The following MEI4 variants were observed in gnomAD, a reference collection of about 807,000 sequenced individuals.
The protein encoded by MEI4 is meiosis-specific protein MEI4.
In MEI4, 27 loss-of-function variants were observed where a neutral mutation model predicts 31.4. The observed-to-expected ratio is 0.86, with a 90% CI of 0.63 to 1.19. MEI4 has a LOEUF of 1.19. Among genes scored for constraint, MEI4 ranks in the 50% most tolerant of loss-of-function variants. The pLI is 0.00. For missense variants in MEI4, 329 were observed against 398.9 expected (o/e 0.82, Z 1.49); for synonymous variants, 122 against 145.4 (o/e 0.84, Z 1.16).
At chr6:77,890,108 G>A (rs1487551552) in intron 4 of MEI4, among the ~76,000 whole-genome samples, 1 of 152,162 alleles carries the variant, frequency 6.6e-6, no homozygotes, top group African/African-American at 2.4e-5. Flanking sequence ...GTCTCCACTG[G>A]GGCACTACCT....
intron 4 of MEI4, among the ~76,000 whole-genome samples, chr6:77,921,822 C>CAGTTA (rs1205579404): frequency 2.0e-5 from 3 of 151,704 alleles, no homozygotes; most frequent in African/African-American, 4.8e-5. Context: ...ACACACTTAT[C>CAGTTA]AGTTAAGTTC....
At chr6:77,800,685 A>G (rs538480697) in intron 3 of MEI4, among the ~76,000 whole-genome samples, 73 of 151,930 alleles carry the variant, frequency 4.8e-4, no homozygotes, top group Non-Finnish European at 7.5e-4. Flanking sequence ...TAATTTAGTC[A>G]GAATTTTTAG....
At chr6:77,663,769 G>T (rs1390987941) in intron 1 of MEI4, among the ~76,000 whole-genome samples, 6 of 151,744 alleles carry the variant, frequency 4.0e-5, no homozygotes, top group African/African-American at 1.5e-4. Flanking sequence ...CGAAGCTCGG[G>T]GTCCGTGATG....
chr6:77,715,533 C>CT (rs1179658016), intron 2 of MEI4, among the ~76,000 whole-genome samples: 6 of 152,042 alleles, frequency 3.9e-5, no homozygotes, highest in African/African-American at 7.2e-5. Context: ...GACCAGTGAG[C>CT]TTTTTTTGGC....
chr6:77,780,285 T>C (rs1768560480), intron 3 of MEI4, among the ~76,000 whole-genome samples: 1 of 152,196 alleles, frequency 6.6e-6, no homozygotes, highest in Non-Finnish European at 1.5e-5. Context: ...AGAGCTTGTT[T>C]ACACATGTGA....
chr6:77,866,162 A>T (rs1490615312), intron 4 of MEI4, among the ~76,000 whole-genome samples: 4 of 152,012 alleles, frequency 2.6e-5, no homozygotes, highest in Non-Finnish European at 4.4e-5. Flanking sequence ...CTCTTTGAAA[A>T]CTGGCACAAG....
chr6:77,843,185 T>A (rs1770405366), intron 4 of MEI4, among the ~76,000 whole-genome samples: 1 of 151,834 alleles, frequency 6.6e-6, no homozygotes, highest in Non-Finnish European at 1.5e-5. Context: ...AATTATGCTA[T>A]GCCTTAGTTC....
At chr6:77,895,653 A>C (rs1306768681) in intron 4 of MEI4, among the ~76,000 whole-genome samples, 1 of 152,000 alleles carries the variant, frequency 6.6e-6, no homozygotes, top group Non-Finnish European at 1.5e-5. Flanking sequence ...ATCTCCTTAG[A>C]TATATACCAG....
intron 1 of MEI4, among the ~76,000 whole-genome samples, chr6:77,671,319 C>G (rs906340920): frequency 6.6e-6 from 1 of 152,052 alleles, no homozygotes; most frequent in African/African-American, 2.4e-5. Context: ...CCTGGCCTCC[C>G]AAAGTGTTAG....
intron 1 of MEI4, among the ~76,000 whole-genome samples, chr6:77,678,005 G>T (rs1205901047): frequency 6.6e-6 from 1 of 152,126 alleles, no homozygotes; most frequent in Non-Finnish European, 1.5e-5. Flanking sequence ...TACAGCAGGA[G>T]CTACTTTGAA....
chr6:77,668,984 T>A (rs1768687792), intron 1 of MEI4, among the ~76,000 whole-genome samples: 1 of 152,160 alleles, frequency 6.6e-6, no homozygotes, highest in South Asian at 2.1e-4. Context: ...AGAATGATGA[T>A]GAATTAATCT....
chr6:77,694,306 C>T (rs1377105840), intron 2 of MEI4, among the ~76,000 whole-genome samples: 1 of 151,838 alleles, frequency 6.6e-6, no homozygotes, highest in Non-Finnish European at 1.5e-5. Context: ...TACATGTGCA[C>T]AATGTGCAGG....
chr6:77,742,623 A>T (rs1767446125), intron 2 of MEI4, among the ~76,000 whole-genome samples: 1 of 152,150 alleles, frequency 6.6e-6, no homozygotes, highest in Admixed American at 6.5e-5. Flanking sequence ...TCTCTAGTTT[A>T]GTTAGATCCC....
intron 3 of MEI4, among the ~76,000 whole-genome samples, chr6:77,773,423 T>C (rs942640005): frequency 5.9e-5 from 9 of 151,934 alleles, no homozygotes; most frequent in African/African-American, 1.7e-4. Context: ...GGCAAGAACA[T>C]ACACTGGAGA....
At chr6:77,795,050 C>T (rs752365436) in intron 3 of MEI4, among the ~76,000 whole-genome samples, 33 of 152,038 alleles carry the variant, frequency 2.2e-4, no homozygotes, top group Admixed American at 5.9e-4. Flanking sequence ...ACAACATAGC[C>T]TAGCTTATGG....
chr6:77,791,678 TAAAA>T (rs60957084), intron 3 of MEI4, among the ~76,000 whole-genome samples: 7 of 133,680 alleles, frequency 5.2e-5, no homozygotes, highest in Non-Finnish European at 1.1e-4. Flanking sequence ...ACTTAAAGTA[TAAAA>T]AAAAAAAAAA....
chr6:77,754,021 T>C (rs1469951442), intron 2 of MEI4, among the ~76,000 whole-genome samples: 1 of 152,010 alleles, frequency 6.6e-6, no homozygotes, highest in Non-Finnish European at 1.5e-5. Context: ...AAACACCGCA[T>C]GTCTCACTCA....
intron 4 of MEI4, among the ~76,000 whole-genome samples, chr6:77,892,650 C>T (rs994240790): frequency 6.6e-6 from 1 of 152,134 alleles, no homozygotes; most frequent in East Asian, 1.9e-4. Context: ...GGAGGCAGCC[C>T]ATTTCCTAGG....
chr6:77,730,149 G>A (rs1197253563), intron 2 of MEI4, among the ~76,000 whole-genome samples: 1 of 152,138 alleles, frequency 6.6e-6, no homozygotes, highest in Admixed American at 6.5e-5. Flanking sequence ...GGGCTAGACG[G>A]TGGAGAGAGC....
Sources: gnomAD v4.1 joint callset for allele counts (sites outside exome capture counted in the v4.1 genomes callset) on GRCh38, gnomAD v4.1.1 for gene constraint, MANE v1.5 for transcripts, NCBI Gene and HGNC (gene_info 2026-07-23, HGNC 2026-07-21) for gene names.